Variants in ARHGEF7 observed in about 807,000 individuals in gnomAD.
ARHGEF7 encodes Rho guanine nucleotide exchange factor 7.
In ARHGEF7, 33 loss-of-function variants were observed where a neutral mutation model predicts 109.8. The ratio of observed to expected loss-of-function variants is 0.30; its 90% CI spans 0.23 to 0.40. The LOEUF (loss-of-function observed/expected upper bound fraction) is 0.40. Among genes scored for constraint, ARHGEF7 ranks in the 10% least tolerant of loss-of-function variants. The pLI is 1.00. For missense variants in ARHGEF7, 938 were observed against 1,098.5 expected (o/e 0.85, Z 2.07); for synonymous variants, 458 against 424.6 (o/e 1.08, Z -0.97).
chr13:111,199,413 G>A (rs1050909272), intron 2 of ARHGEF7, among the ~76,000 whole-genome samples: 2 of 152,198 alleles, frequency 1.3e-5, no homozygotes, highest in African/African-American at 2.4e-5. Context: ...AACCACTGTG[G>A]ATATTTCTGC....
intron 1 of ARHGEF7, chr13:111,153,595 G>A: frequency 5.3e-6 from 6 of 1,125,070 alleles, no homozygotes; most frequent in East Asian, 6.4e-5. Flanking sequence ...AACACCCGAC[G>A]CTATCCGAAG....
intron 2 of ARHGEF7, among the ~76,000 whole-genome samples, chr13:111,160,793 C>A (rs903498897): frequency 1.3e-5 from 2 of 152,270 alleles, no homozygotes; most frequent in East Asian, 1.9e-4. Context: ...GGCTCCTCCC[C>A]CTTTGCTCCT....
chr13:111,253,113 A>G lies in ARHGEF7; in HGVS notation c.950+8819A>G, dbSNP rs1195681944. On this transcript the variant is annotated intron_variant, in intron 8 of 21. Transcript: ENST00000646102. ...GAAAGCCTTAGTGGGGAGAAATAAGATAGTGAGTGCTCTCTCAGGATAGCA... is the reference window on the plus strand; with the variant it reads ...GAAAGCCTTAGTGGGGAGAAATAAGGTAGTGAGTGCTCTCTCAGGATAGCA... Among the ~76,000 whole-genome samples, 3 of 152,248 alleles carry G rather than the reference A, an allele frequency of 2.0e-5. No homozygotes were observed. In the East Asian group the frequency reaches 5.8e-4, roughly 29 times the overall value.
intron 2 of ARHGEF7, among the ~76,000 whole-genome samples, chr13:111,198,253 A>G (rs983842382): frequency 1.2e-4 from 19 of 152,242 alleles, no homozygotes; most frequent in African/African-American, 3.4e-4. Context: ...ATTCTACGGA[A>G]AAATAGGACA....
intron 2 of ARHGEF7, among the ~76,000 whole-genome samples, chr13:111,184,451 C>G (rs2079057626): frequency 6.6e-6 from 1 of 152,160 alleles, no homozygotes; most frequent in African/African-American, 2.4e-5. Flanking sequence ...GTTGGTGTTT[C>G]TGGGTTGCTG....
At chr13:111,281,292 G>A (rs1367172184) in intron 15 of ARHGEF7, among the ~76,000 whole-genome samples, 1 of 148,174 alleles carries the variant, frequency 6.7e-6, no homozygotes, top group East Asian at 2.1e-4. Flanking sequence ...TTGGTATCGG[G>A]TTGTTTTAAC....
At chr13:111,141,529 A>G (rs151190641) in intron 1 of ARHGEF7, among the ~76,000 whole-genome samples, 5 of 152,188 alleles carry the variant, frequency 3.3e-5, no homozygotes, top group Admixed American at 6.5e-5. Flanking sequence ...GAAGCTCCAA[A>G]AGTTTTATCT....
At chr13:111,232,205 TACAC>T (rs2086160654) in intron 5 of ARHGEF7, among the ~76,000 whole-genome samples, 3 of 151,822 alleles carry the variant, frequency 2.0e-5, no homozygotes, top group Admixed American at 1.3e-4. Flanking sequence ...TTAATAGAAA[TACAC>T]ACATACCCAT....
chr13:111,183,277 T>C (rs1308442969), intron 2 of ARHGEF7, among the ~76,000 whole-genome samples: 3 of 152,104 alleles, frequency 2.0e-5, no homozygotes, highest in East Asian at 3.9e-4. Context: ...TACTGGGAGT[T>C]AGAAATTAAG....
chr13:111,292,514 T>A, intron 19 of ARHGEF7: 1 of 1,425,204 alleles, frequency 7.0e-7, no homozygotes, highest in Non-Finnish European at 9.1e-7. Flanking sequence ...TTCGAATGAC[T>A]GACTATTGGA....
At chr13:111,146,560 G>A (rs1361165790) in intron 1 of ARHGEF7, among the ~76,000 whole-genome samples, 1 of 152,232 alleles carries the variant, frequency 6.6e-6, no homozygotes, top group Non-Finnish European at 1.5e-5. Context: ...CTTCTCAGAT[G>A]TGACTATTTT....
chr13:111,266,890 G>A lies in ARHGEF7; in HGVS notation c.951-658G>A. On this transcript the variant is annotated intron_variant, in intron 8 of 21. Transcript: ENST00000646102. The surrounding 1 kb of genome is among the most constrained non-coding windows in gnomAD (Gnocchi z 4.8). ...CAGAAACTCTGAGGTCTGGAGAGGTGAGCGTGTACCCCGTTAGGCACACCC... is the reference window on the plus strand; with the variant it reads ...CAGAAACTCTGAGGTCTGGAGAGGTAAGCGTGTACCCCGTTAGGCACACCC... The A allele has an allele frequency of 2.2e-6, 1 of 456,084 alleles. No homozygotes were observed. Among genetic ancestry groups the A allele is most frequent in the Non-Finnish European group, 4.4e-6 (1 of 226,806 alleles). The allele number at this position is 456,084 out of a possible 1,614,324, so 28.3% of individuals were successfully genotyped here.
At chr13:111,156,886 C>T (rs998779583) in intron 2 of ARHGEF7, among the ~76,000 whole-genome samples, 19 of 152,170 alleles carry the variant, frequency 1.2e-4, no homozygotes, top group Non-Finnish European at 2.1e-4. Context: ...TGTCAAGGTG[C>T]TTTTCTTCCA....
chr13:111,237,748 A>G (rs1042232103), intron 6 of ARHGEF7, among the ~76,000 whole-genome samples: 5 of 152,198 alleles, frequency 3.3e-5, no homozygotes, highest in African/African-American at 1.2e-4. Context: ...AAAAACATAT[A>G]TTTTCATGTT....
chr13:111,151,773 C>T (rs553790055), intron 1 of ARHGEF7, among the ~76,000 whole-genome samples: 1 of 152,036 alleles, frequency 6.6e-6, no homozygotes, highest in Non-Finnish European at 1.5e-5. Context: ...TTCAGCACTA[C>T]GTTTGGGGGC....
At chr13:111,171,287 G>C (rs927952983) in intron 2 of ARHGEF7, among the ~76,000 whole-genome samples, 8 of 152,206 alleles carry the variant, frequency 5.3e-5, no homozygotes, top group Non-Finnish European at 1.2e-4. Flanking sequence ...TAACCATAAA[G>C]ATTTGAGGTA....
At chr13:111,143,413 A>G (rs2153361644) in intron 1 of ARHGEF7, 1 of 152,338 alleles carries the variant, frequency 6.6e-6, no homozygotes, top group Admixed American at 6.5e-5. Context: ...TAAGAAAATA[A>G]TCACCAGCCA....
At chr13:111,166,629 A>G (rs568832564) in intron 2 of ARHGEF7, among the ~76,000 whole-genome samples, 2 of 152,206 alleles carry the variant, frequency 1.3e-5, no homozygotes, top group Non-Finnish European at 2.9e-5. Flanking sequence ...TAGATGGGGT[A>G]TGCAGGAGAG....
chr13:111,131,603 T>G lies in ARHGEF7; in HGVS notation c.165+15912T>G, dbSNP rs1462593710. On this transcript the variant is annotated intron_variant, in intron 1 of 21. Coordinates refer to ENST00000646102, the MANE Select transcript of ARHGEF7 (RefSeq NM_001354046.2). This position sits in a 1 kb window ranked among gnomAD's most constrained non-coding sequence, Gnocchi z 4.4. Reference sequence around the variant, plus strand: ...CAGCCTTGGGAAGGGTGGAGATGAATAACCAGGTGGTGCTGATGAGCCTGA... The same window carrying G: ...CAGCCTTGGGAAGGGTGGAGATGAAGAACCAGGTGGTGCTGATGAGCCTGA... 3.3e-5 allele frequency among the ~76,000 whole-genome samples: 5 copies of G among 152,106 alleles called. No individual in the cohort carries two copies. The highest frequency in any genetic ancestry group is 7.4e-5 in the Non-Finnish European group (5 of 68,002).
Sources: allele counts gnomAD v4.1 joint callset (sites outside exome capture counted in the v4.1 genomes callset), GRCh38; gene constraint gnomAD v4.1.1; non-coding constraint Gnocchi (gnomAD v3.1); transcripts MANE v1.5; gene names NCBI Gene and HGNC (gene_info 2026-07-23, HGNC 2026-07-21).